The following SMOX variants were observed in gnomAD, a reference collection of about 807,000 sequenced individuals.
SMOX encodes the protein spermine oxidase, also known as flavin containing amine oxidase.
A neutral mutation model predicts 51.0 loss-of-function variants in SMOX; 22 were observed. The observed-to-expected ratio is 0.43, with a 90% confidence interval of 0.31 to 0.62. The LOEUF is 0.62. Among genes scored for constraint, SMOX ranks in the 20% least tolerant of loss-of-function variants. The pLI is 0.10. For missense variants in SMOX, 566 were observed against 777.7 expected (o/e 0.73, Z 3.24); for synonymous variants, 282 against 307.8 (o/e 0.92, Z 0.88).
intron 1 of SMOX, among the ~76,000 whole-genome samples, chr20:4,168,493 C>A (rs1017526789): frequency 8.6e-5 from 13 of 151,966 alleles, no homozygotes; most frequent in African/African-American, 3.1e-4. Context: ...AGGGCTCAGG[C>A]ACACTTGGGA....
In SMOX at chr20:4,170,194, G is replaced by C. The variant is rs899478304; in HGVS notation, c.-26-4836G>C. On this transcript the variant is annotated intron_variant, in intron 1 of 6. Transcript: ENST00000305958. This position sits in a 1 kb window ranked among gnomAD's most constrained non-coding sequence, Gnocchi z 4.6. Reference sequence around the variant, plus strand: ...GCTTCTGGCGCAGTTGGGGGTGGAGGTGACATGATTCAGGCTGTGGAGTTG... The same window carrying C: ...GCTTCTGGCGCAGTTGGGGGTGGAGCTGACATGATTCAGGCTGTGGAGTTG... Among the ~76,000 whole-genome samples the C allele has an allele frequency of 6.6e-6, 1 of 151,998 alleles. No homozygotes were observed. Among genetic ancestry groups the C allele is most frequent in the Non-Finnish European group, 1.5e-5 (1 of 67,988 alleles).
At chr20:4,163,043 C>T (rs1186175267) in intron 1 of SMOX, among the ~76,000 whole-genome samples, 3 of 152,194 alleles carry the variant, frequency 2.0e-5, no homozygotes, top group Non-Finnish European at 2.9e-5. Context: ...AGACCCAAGC[C>T]TAAGCCCAGG....
Position 4,182,655 on chromosome 20 carries a change from A to G in SMOX, c.1176A>G (p.Ala392=), listed in dbSNP as rs1051904. 0.64 allele frequency: 1,038,822 copies of G among 1,613,712 alleles called. 340,244 individuals carry two copies. The highest frequency in any genetic ancestry group is 0.68 in the Non-Finnish European group (803,668 of 1,179,900). Reference sequence around the variant, plus strand: ...TACAGTTTGTGTGGGAGGACGAAGCAGAGAGCCACACCCTCACCTACCCAC... The same window carrying G: ...TACAGTTTGTGTGGGAGGACGAAGCGGAGAGCCACACCCTCACCTACCCAC... The part of the protein sequence containing the change: ...NSLQFVWEDE[A]ESHTLTYPPE... Residue 392 remains alanine (A), a synonymous_variant, in exon 5 of 7, where the codon GCA becomes GCG. Coordinates refer to ENST00000305958, the MANE Select transcript of SMOX (RefSeq NM_175839.3). This position sits in a 1 kb window ranked among gnomAD's most constrained non-coding sequence, Gnocchi z 8.4.
intron 6 of SMOX, chr20:4,186,682 C>T: frequency 1.3e-6 from 1 of 771,560 alleles, no homozygotes; most frequent in Non-Finnish European, 2.4e-6. Context: ...TGTGCAAACA[C>T]CCATTCCATC....
In SMOX at chr20:4,152,546, C is replaced by T. The variant is rs779476091; in HGVS notation, c.-27+3569C>T. On this transcript the variant is annotated intron_variant, in intron 1 of 6. Transcript: ENST00000305958. ...GGGGTGGACTGAGGTAACACCGCGA[C>T]GTGGGTGCTAGAACTAGGGGCAGTG... Among the ~76,000 whole-genome samples, 86 of 151,962 alleles carry T rather than the reference C, an allele frequency of 5.7e-4. 1 individual carries two copies. The highest frequency in any genetic ancestry group is 3.7e-3 in the Admixed American group (57 of 15,272).
At chr20:4,180,811 G>A (rs989705726) in intron 3 of SMOX, among the ~76,000 whole-genome samples, 1 of 152,094 alleles carries the variant, frequency 6.6e-6, no homozygotes, top group Admixed American at 6.5e-5. Context: ...GCTGCCCAGG[G>A]TTGTCTGCGT....
At chr20:4,156,980 T>C (rs1741304) in intron 1 of SMOX, among the ~76,000 whole-genome samples, 65,715 of 152,058 alleles carry the variant, frequency 0.43, 14,461 homozygotes, top group Admixed American at 0.48. Context: ...TGGCCTCAGG[T>C]GATCTGCTCA....
chr20:4,179,783 T>C (rs1187576695), intron 3 of SMOX, among the ~76,000 whole-genome samples: 1 of 152,178 alleles, frequency 6.6e-6, no homozygotes, highest in African/African-American at 2.4e-5. Context: ...ACTTACCTCA[T>C]AGTATTATGA....
intron 1 of SMOX, among the ~76,000 whole-genome samples, chr20:4,162,333 G>A (rs986457023): frequency 2.6e-5 from 4 of 152,232 alleles, no homozygotes; most frequent in Non-Finnish European, 5.9e-5. Context: ...GTGGGACCAG[G>A]GGATTCCAAG....
intron 1 of SMOX, among the ~76,000 whole-genome samples, chr20:4,160,360 A>C (rs909131844): frequency 2.0e-5 from 3 of 152,108 alleles, no homozygotes; most frequent in Non-Finnish European, 4.4e-5. Flanking sequence ...TCGTTGAGCC[A>C]GGGCAGTCCT....
intron 1 of SMOX, among the ~76,000 whole-genome samples, chr20:4,161,811 C>T (rs1274451452): frequency 6.6e-6 from 1 of 152,218 alleles, no homozygotes; most frequent in Non-Finnish European, 1.5e-5. Flanking sequence ...AGGTAGCCCT[C>T]CAGAAACCTT....
chr20:4,187,313 A>G lies in SMOX; in HGVS notation c.1574A>G (p.Tyr525Cys), dbSNP rs774273790. 1 of 1,614,124 alleles carries G rather than the reference A, an allele frequency of 6.2e-7. No homozygotes were observed. Among genetic ancestry groups the G allele is most frequent in the Non-Finnish European group, 8.5e-7 (1 of 1,180,008 alleles). ...LFSGEATHRK[Y>C]YSTTHGALLS... ...TCCGGTGAGGCCACCCACCGCAAGTACTATTCCACCACCCACGGTGCTCTG... is the reference window on the plus strand; with the variant it reads ...TCCGGTGAGGCCACCCACCGCAAGTGCTATTCCACCACCCACGGTGCTCTG... Residue 525 changes from tyrosine (Y) to cysteine (C), a missense_variant, in exon 7 of 7, where the codon TAC (tyrosine) becomes TGC (cysteine). Tyr to Cys is a radical substitution (Grantham distance 194). Around this residue, in one of 3 missense-constraint regions of SMOX, gnomAD observed 347 missense variants for 481.8 expected, o/e 0.72. Coordinates refer to ENST00000305958, the MANE Select transcript of SMOX (RefSeq NM_175839.3). This position sits in a 1 kb window ranked among gnomAD's most constrained non-coding sequence, Gnocchi z 4.8.
chr20:4,161,693 C>A (rs919188867), intron 1 of SMOX, among the ~76,000 whole-genome samples: 1 of 152,204 alleles, frequency 6.6e-6, no homozygotes, highest in Non-Finnish European at 1.5e-5. Flanking sequence ...CCTGTGCAAG[C>A]AGTTAGTTTC....
At chr20:4,162,882 G>T (rs1986398210) in intron 1 of SMOX, among the ~76,000 whole-genome samples, 1 of 152,232 alleles carries the variant, frequency 6.6e-6, no homozygotes, top group African/African-American at 2.4e-5. Context: ...CCTGCAGAGG[G>T]TGTTGAGATG....
Position 4,177,214 on chromosome 20 carries a change from C to A in SMOX, c.209-137C>A. On this transcript the variant is annotated intron_variant, in intron 2 of 6. Coordinates refer to ENST00000305958, the MANE Select transcript of SMOX (RefSeq NM_175839.3). This position sits in a 1 kb window ranked among gnomAD's most constrained non-coding sequence, Gnocchi z 4.3. Reference sequence around the variant, plus strand: ...TTTCACTGAGGACCTTCGTTGGTTGCCAGCAGTGGAAGTTCAAGCTCTTTC... The same window carrying A: ...TTTCACTGAGGACCTTCGTTGGTTGACAGCAGTGGAAGTTCAAGCTCTTTC... 1 of 750,608 alleles carries A rather than the reference C, an allele frequency of 1.3e-6. No individual in the cohort carries two copies. The highest frequency in any genetic ancestry group is 2.1e-6 in the Non-Finnish European group (1 of 465,510). 46.5% of individuals were successfully genotyped at this position (750,608 alleles called of 1,614,324 possible).
In SMOX at chr20:4,177,201, C is replaced by A; in HGVS notation, c.209-150C>A. 1 of 680,218 alleles carries A rather than the reference C, an allele frequency of 1.5e-6. No homozygotes were observed. The highest frequency in any genetic ancestry group is 2.7e-5 in the East Asian group (1 of 36,638). The allele number at this position is 680,218 out of a possible 1,614,324, so 42.1% of individuals were successfully genotyped here. A position where few individuals can be genotyped will look rare whatever the true frequency, so the allele number is the denominator to read the frequency against. On this transcript the variant is annotated intron_variant, in intron 2 of 6. Coordinates refer to ENST00000305958, the MANE Select transcript of SMOX (RefSeq NM_175839.3). The surrounding 1 kb of genome is among the most constrained non-coding windows in gnomAD (Gnocchi z 4.3). ...TTCAGTGGGAACTTTTCACTGAGGACCTTCGTTGGTTGCCAGCAGTGGAAG... is the reference window on the plus strand; with the variant it reads ...TTCAGTGGGAACTTTTCACTGAGGAACTTCGTTGGTTGCCAGCAGTGGAAG...
intron 1 of SMOX, among the ~76,000 whole-genome samples, chr20:4,162,245 C>G (rs73893384): frequency 6.6e-6 from 1 of 150,900 alleles, no homozygotes; most frequent in African/African-American, 2.5e-5. Context: ...CCCCACTCCC[C>G]ACTCCCGACT....
chr20:4,185,242 G>A (rs1002024154), intron 6 of SMOX, among the ~76,000 whole-genome samples: 1 of 152,216 alleles, frequency 6.6e-6, no homozygotes, highest in Non-Finnish European at 1.5e-5. Context: ...TTGGGAGGCT[G>A]AGGTGGGAGG....
rs926113735 is a variant in SMOX at position 4,177,736 on chromosome 20, T to C, written c.435+159T>C. 5.9e-5 allele frequency among the ~76,000 whole-genome samples: 9 copies of C among 152,250 alleles called. No individual in the cohort carries two copies. Among genetic ancestry groups the C allele is most frequent in the African/African-American group, 1.9e-4 (8 of 41,470 alleles). ...TATTCAGTGGGATAGAACTGATTTT[T>C]ATATATTGATTTGTTAGCTTGCTAA... On this transcript the variant is annotated intron_variant, in intron 3 of 6. Coordinates refer to ENST00000305958, the MANE Select transcript of SMOX (RefSeq NM_175839.3). The surrounding 1 kb of genome is among the most constrained non-coding windows in gnomAD (Gnocchi z 4.3).
Sources: allele counts gnomAD v4.1 joint callset (sites outside exome capture counted in the v4.1 genomes callset), GRCh38; gene constraint gnomAD v4.1.1; regional missense constraint gnomAD v4.1.1; non-coding constraint Gnocchi (gnomAD v3.1); transcripts MANE v1.5; gene names NCBI Gene and HGNC (gene_info 2026-07-23, HGNC 2026-07-21).